PACS1: variants seen among roughly 807,000 people sequenced by gnomAD.
PACS1 encodes the protein phosphofurin acidic cluster sorting protein 1.
A neutral mutation model predicts 115.0 loss-of-function variants in PACS1; 24 were observed. The observed-to-expected ratio is 0.21, with a 90% confidence interval of 0.15 to 0.29. PACS1 has a LOEUF of 0.29. Among genes scored for constraint, PACS1 ranks in the 10% least tolerant of loss-of-function variants. PACS1 has a pLI of 1.00. For synonymous variants in PACS1, 453 were observed against 504.5 expected, an observed-to-expected ratio of 0.90 and a Z score of 1.37; for missense variants, 838 against 1,251.2, an observed-to-expected ratio of 0.67 and a Z score of 4.98.
intron 1 of PACS1, among the ~76,000 whole-genome samples, chr11:66,182,994 G>A (rs947197191): frequency 4.6e-5 from 7 of 152,104 alleles, no homozygotes; most frequent in African/African-American, 1.2e-4. Flanking sequence ...TCTGGGTGTG[G>A]TGGTGTGCAC....
chr11:66,114,442 G>A (rs1858259958), intron 1 of PACS1, among the ~76,000 whole-genome samples: 1 of 150,976 alleles, frequency 6.6e-6, no homozygotes, highest in African/African-American at 2.4e-5. Flanking sequence ...AAGTACCTTG[G>A]GGATTTTTCT....
chr11:66,175,223 TTTTTG>T (rs750519300), intron 1 of PACS1, among the ~76,000 whole-genome samples: 69 of 152,212 alleles, frequency 4.5e-4, no homozygotes, highest in Non-Finnish European at 7.5e-4. Context: ...TACGGTTTTG[TTTTTG>T]TTTTGTTTTG....
At chr11:66,110,871 C>T (rs1160693046) in intron 1 of PACS1, among the ~76,000 whole-genome samples, 1 of 152,182 alleles carries the variant, frequency 6.6e-6, no homozygotes, top group Non-Finnish European at 1.5e-5. Context: ...ACCCAGCCAA[C>T]ATTTTACTCT....
At chr11:66,186,705 T>G (rs1854383092) in intron 1 of PACS1, among the ~76,000 whole-genome samples, 1 of 152,242 alleles carries the variant, frequency 6.6e-6, no homozygotes, top group Non-Finnish European at 1.5e-5. Flanking sequence ...CAGAGTAACG[T>G]GACAGAGCTG....
intron 1 of PACS1, among the ~76,000 whole-genome samples, chr11:66,078,278 T>C: frequency 6.6e-6 from 1 of 152,232 alleles, no homozygotes; most frequent in Admixed American, 6.5e-5. Flanking sequence ...ATTTGCTGTG[T>C]ATGTTTTTTA....
Position 66,236,023 on chromosome 11 carries a change from C to G in PACS1, c.2250+83C>G, listed in dbSNP as rs1855696613. 1 of 1,268,180 alleles carries G rather than the reference C, an allele frequency of 7.9e-7. No homozygotes were observed. Among genetic ancestry groups the G allele is most frequent in the East Asian group, 2.3e-5 (1 of 43,248 alleles). 78.6% of individuals were successfully genotyped at this position (1,268,180 alleles called of 1,614,324 possible). On this transcript the variant is annotated intron_variant, in intron 19 of 23. Coordinates refer to ENST00000320580, the MANE Select transcript of PACS1 (RefSeq NM_018026.4). The surrounding 1 kb of genome is among the most constrained non-coding windows in gnomAD (Gnocchi z 4.2). ...CCCTTACACAGGAAAACAAAAGATT[C>G]ATCTAGAACAGTGGTTCTCCAGACA...
intron 1 of PACS1, among the ~76,000 whole-genome samples, chr11:66,079,435 C>G (rs1857449121): frequency 6.6e-6 from 1 of 151,326 alleles, no homozygotes; most frequent in Non-Finnish European, 1.5e-5. Flanking sequence ...CTTTTCCTGC[C>G]TCTTGTTTAC....
rs771994155 is a variant in PACS1 at position 66,219,824 on chromosome 11, A to C, written c.1038+19A>C. The C allele has an allele frequency of 6.4e-7, 1 of 1,570,424 alleles. No homozygotes were observed. Among genetic ancestry groups the C allele is most frequent in the Non-Finnish European group, 8.8e-7 (1 of 1,140,116 alleles). On this transcript the variant is annotated intron_variant, in intron 8 of 23. Coordinates refer to ENST00000320580, the MANE Select transcript of PACS1 (RefSeq NM_018026.4). ...AGATGAGGTATGGCCTCTTACTCCC[A>C]AGGTTAATGGTGAGTAGAATTCCCC...
intron 4 of PACS1, among the ~76,000 whole-genome samples, chr11:66,215,023 C>T (rs1483833647): frequency 6.6e-6 from 1 of 152,052 alleles, no homozygotes; most frequent in African/African-American, 2.4e-5. Context: ...ACCTCTGCCG[C>T]CTGGGTTCAA....
At position 66,243,383 on chromosome 11, in the gene PACS1, C is replaced by T. The variant is rs74708943; in HGVS notation, c.*103C>T. 2,898 of 756,122 alleles carry T rather than the reference C, an allele frequency of 3.8e-3. 11 individuals carry two copies. The highest frequency in any genetic ancestry group is 5.1e-3 in the South Asian group (313 of 60,862). 46.8% of individuals were successfully genotyped at this position (756,122 alleles called of 1,614,324 possible). A position where few individuals can be genotyped will look rare whatever the true frequency, so the allele number is the denominator to read the frequency against. ...CCCGGGCCCAGCACCCCTTCCCTGG[C>T]ACCAGGGTCTGCCTCTCACTCGCCC... On this transcript the variant is annotated 3_prime_UTR_variant, in exon 24 of 24. Coordinates refer to ENST00000320580, the MANE Select transcript of PACS1 (RefSeq NM_018026.4).
At chr11:66,204,758 T>C (rs1173208094) in intron 2 of PACS1, among the ~76,000 whole-genome samples, 1 of 152,048 alleles carries the variant, frequency 6.6e-6, no homozygotes, top group African/African-American at 2.4e-5. Context: ...ATTAAAGTCA[T>C]GGAGATAGTC....
chr11:66,233,114 C>T lies in PACS1; in HGVS notation c.1838+48C>T. 7.3e-7 allele frequency: 1 copy of T among 1,362,316 alleles called. No homozygotes were observed. The highest frequency in any genetic ancestry group is 1.0e-6 in the Non-Finnish European group (1 of 963,858). The allele number at this position is 1,362,316 out of a possible 1,614,324, so 84.4% of individuals were successfully genotyped here. ...TCCTGCCCTTAGAGATTCCCTCTGA[C>T]CTCATCTTCCAACCCTGACTTCTAA... is the stretch of plus-strand genomic sequence containing the variant. On this transcript the variant is annotated intron_variant, in intron 15 of 23. Transcript: ENST00000320580. The surrounding 1 kb of genome is among the most constrained non-coding windows in gnomAD (Gnocchi z 4.5).
At chr11:66,175,141 G>A (rs990391104) in intron 1 of PACS1, among the ~76,000 whole-genome samples, 3 of 150,464 alleles carry the variant, frequency 2.0e-5, no homozygotes, top group African/African-American at 4.9e-5. Flanking sequence ...CTGCCTGGGC[G>A]ACAGAGCAAA....
intron 2 of PACS1, among the ~76,000 whole-genome samples, chr11:66,208,376 G>A (rs977402918): frequency 6.6e-6 from 1 of 152,142 alleles, no homozygotes; most frequent in Non-Finnish European, 1.5e-5. Context: ...CCAGCACTTT[G>A]GGAGGCAGTG....
intron 1 of PACS1, chr11:66,121,179 G>A (rs1353219018): frequency 4.7e-6 from 2 of 428,392 alleles, no homozygotes; most frequent in Non-Finnish European, 4.7e-6. Context: ...TGTTGGTTAC[G>A]GTGATCAGTG....
chr11:66,142,977 G>A (rs1859032198), intron 1 of PACS1, among the ~76,000 whole-genome samples: 1 of 151,668 alleles, frequency 6.6e-6, no homozygotes, highest in Non-Finnish European at 1.5e-5. Flanking sequence ...ACAAGCTGGG[G>A]CTTGAATAGA....
chr11:66,194,338 C>A (rs1284511457), intron 2 of PACS1, among the ~76,000 whole-genome samples: 4 of 152,192 alleles, frequency 2.6e-5, no homozygotes, highest in African/African-American at 9.7e-5. Flanking sequence ...TTAAAGTTTA[C>A]TGGGATATTT....
chr11:66,178,031 T>A (rs749793183), intron 1 of PACS1, among the ~76,000 whole-genome samples: 2 of 151,796 alleles, frequency 1.3e-5, no homozygotes, highest in Non-Finnish European at 2.9e-5. Flanking sequence ...TTCCAGAGAG[T>A]TGAACCAATA....
chr11:66,160,047 T>G (rs1859451660), intron 1 of PACS1, among the ~76,000 whole-genome samples: 1 of 152,242 alleles, frequency 6.6e-6, no homozygotes, highest in Non-Finnish European at 1.5e-5. Context: ...ATAGTTTAAT[T>G]AAATAAGCTA....
Sources: gnomAD v4.1 joint callset for allele counts (sites outside exome capture counted in the v4.1 genomes callset) on GRCh38, gnomAD v4.1.1 for gene constraint, Gnocchi (gnomAD v3.1) non-coding constraint, MANE v1.5 for transcripts, NCBI Gene and HGNC (gene_info 2026-07-23, HGNC 2026-07-21) for gene names.